Variants in KCTD16 observed in about 807,000 individuals in gnomAD.
The protein encoded by KCTD16 is BTB/POZ domain-containing protein KCTD16.
A neutral mutation model predicts 33.2 loss-of-function variants in KCTD16; 13 were observed. The observed-to-expected ratio is 0.39, with a 90% CI of 0.25 to 0.62. KCTD16 has a LOEUF of 0.62. Among genes scored for constraint, KCTD16 ranks in the 20% least tolerant of loss-of-function variants. KCTD16 has a pLI of 0.50. For missense variants in KCTD16, 441 were observed against 525.1 expected (o/e 0.84, Z 1.57); for synonymous variants, 197 against 195.3 (o/e 1.01, Z -0.07).
At chr5:144,187,441 CACACAT>C (rs1202244704) in intron 2 of KCTD16, among the ~76,000 whole-genome samples, 3 of 152,060 alleles carry the variant, frequency 2.0e-5, no homozygotes, top group Admixed American at 1.3e-4. Flanking sequence ...CACACACACA[CACACAT>C]ATACACACAC....
chr5:144,356,870 C>T (rs1171624346), intron 3 of KCTD16, among the ~76,000 whole-genome samples: 1 of 151,936 alleles, frequency 6.6e-6, no homozygotes, highest in East Asian at 1.9e-4. Context: ...TTTCCCCTCT[C>T]TTGTCTTCAT....
rs549051765 is a variant in KCTD16, at chr5:144,181,179, C to T, written c.-327+6707C>T. Among the ~76,000 whole-genome samples the T allele has an allele frequency of 3.2e-4, 48 of 152,226 alleles. 1 individual carries two copies. The highest frequency in any genetic ancestry group is 2.7e-3 in the Admixed American group (42 of 15,288). ...CGATCTCCTGACCTCATGATCCGCC[C>T]GCCTCTGCCTCCCAAAGTGCTGGGA... is the stretch of plus-strand genomic sequence containing the variant. On this transcript the variant is annotated intron_variant, in intron 2 of 3. Transcript: ENST00000512467.
rs1752587702 is a variant in KCTD16 at position 144,397,144 on chromosome 5, A to G, written c.833-76516A>G. Among the ~76,000 whole-genome samples, 3 of 138,026 alleles carry G rather than the reference A, an allele frequency of 2.2e-5. No individual in the cohort carries two copies. In the South Asian group the frequency reaches 6.8e-4, roughly 31 times the overall value. The allele number at this position is 138,026 out of a possible 152,430, so 90.6% of individuals were successfully genotyped here. A position where few individuals can be genotyped will look rare whatever the true frequency, so the allele number is the denominator to read the frequency against. ...TGTGTCCAAGTGTTCTCATTGTTCA[A>G]TTCCCACCTATGAGTGAGAAAATGC... On this transcript the variant is annotated intron_variant, in intron 3 of 3. Transcript: ENST00000512467.
chr5:144,274,127 CCTT>C (rs1262310034), intron 3 of KCTD16, among the ~76,000 whole-genome samples: 3 of 151,056 alleles, frequency 2.0e-5, no homozygotes, highest in Non-Finnish European at 4.4e-5. Flanking sequence ...AATTTTTCTT[CCTT>C]CTTCTCTTTT....
intron 3 of KCTD16, among the ~76,000 whole-genome samples, chr5:144,274,553 G>C (rs988259330): frequency 1.3e-5 from 2 of 152,038 alleles, no homozygotes; most frequent in Non-Finnish European, 2.9e-5. Context: ...GTTTATTCAG[G>C]GTCATGACTA....
chr5:144,400,529 T>C (rs1461674170), intron 3 of KCTD16, among the ~76,000 whole-genome samples: 1 of 152,128 alleles, frequency 6.6e-6, no homozygotes, highest in Non-Finnish European at 1.5e-5. Flanking sequence ...GTGTGGAATA[T>C]GAGTAGCAGT....
intron 3 of KCTD16, among the ~76,000 whole-genome samples, chr5:144,245,692 C>T (rs1027360946): frequency 2.0e-5 from 3 of 152,054 alleles, no homozygotes; most frequent in African/African-American, 7.2e-5. Flanking sequence ...CCCCTTGGAG[C>T]GGTTGTTGCA....
At chr5:144,436,776 C>T (rs1436071771) in intron 3 of KCTD16, among the ~76,000 whole-genome samples, 4 of 151,654 alleles carry the variant, frequency 2.6e-5, no homozygotes, top group South Asian at 2.1e-4. Context: ...TTAGTAGAGA[C>T]GGCGTTTCAC....
In KCTD16 at chr5:144,474,401, G is replaced by A. The variant is rs1478612142; in HGVS notation, c.*287G>A. The A allele has an allele frequency of 1.1e-5, 3 of 265,954 alleles. No individual in the cohort carries two copies. Among genetic ancestry groups the A allele is most frequent in the Admixed American group, 1.0e-4 (2 of 19,984 alleles). The allele number at this position is 265,954 out of a possible 1,614,324, so 16.5% of individuals were successfully genotyped here. A position where few individuals can be genotyped will look rare whatever the true frequency, so the allele number is the denominator to read the frequency against. ...CTTATATATAATGAGAGCCAGCTAC[G>A]TAAAAGTAGCTGAGAGGCCTTGGGA... On this transcript the variant is annotated 3_prime_UTR_variant, in exon 4 of 4. Coordinates refer to ENST00000512467, the MANE Select transcript of KCTD16 (RefSeq NM_020768.4).
chr5:144,282,768 C>T (rs928757357), intron 3 of KCTD16, among the ~76,000 whole-genome samples: 2 of 152,094 alleles, frequency 1.3e-5, no homozygotes, highest in African/African-American at 4.8e-5. Context: ...ATGACTGGGT[C>T]TGACTTTATG....
At chr5:144,225,510 ATT>A (rs1753902723) in intron 3 of KCTD16, among the ~76,000 whole-genome samples, 1 of 147,654 alleles carries the variant, frequency 6.8e-6, no homozygotes, top group East Asian at 2.0e-4. Flanking sequence ...AGAATTTATC[ATT>A]TTCTTCCTCT....
At position 144,192,164 on chromosome 5, in the gene KCTD16, AGT is replaced by A. The variant is rs147129866; in HGVS notation, c.-326-14222_-326-14221del. ...AGTTGAGGATGCTGGGTAAGTGAACAGTGTTACTCAGGGTGACTTTCAGTTTC... is the reference window on the plus strand; with the variant it reads ...AGTTGAGGATGCTGGGTAAGTGAACAGTTACTCAGGGTGACTTTCAGTTTC... On this transcript the variant is annotated intron_variant, in intron 2 of 3. Transcript: ENST00000512467. Among the ~76,000 whole-genome samples the A allele has an allele frequency of 4.9e-3, 742 of 152,284 alleles. 7 individuals are homozygous for A. The highest frequency in any genetic ancestry group is 0.017 in the African/African-American group (690 of 41,566).
At chr5:144,457,090 CTA>C (rs1754082973) in intron 3 of KCTD16, among the ~76,000 whole-genome samples, 5 of 152,190 alleles carry the variant, frequency 3.3e-5, no homozygotes, top group Admixed American at 2.0e-4. Flanking sequence ...AATCCCTTAA[CTA>C]TATGTATTTA....
rs929655705 is a variant in KCTD16 at position 144,484,398 on chromosome 5, C to T, written c.*10284C>T. 16 of 152,026 alleles carry T rather than the reference C, an allele frequency of 1.1e-4. No homozygotes were observed. The highest frequency in any genetic ancestry group is 3.6e-4 in the African/African-American group (15 of 41,524). The allele number at this position is 152,026 out of a possible 1,614,324, so 9.4% of individuals were successfully genotyped here. On this transcript the variant is annotated 3_prime_UTR_variant, in exon 4 of 4. Coordinates refer to ENST00000512467, the MANE Select transcript of KCTD16 (RefSeq NM_020768.4). ...GTAAAATCAGGAATCTTTGTGTTGG[C>T]TGAAGGAACTTAGTAATCTTAGTTG...
intron 3 of KCTD16, among the ~76,000 whole-genome samples, chr5:144,255,379 T>A: frequency 6.6e-6 from 1 of 152,124 alleles, no homozygotes; most frequent in Non-Finnish European, 1.5e-5. Context: ...CATATGGTGG[T>A]TCTTTATTTA....
At chr5:144,421,820 G>T (rs1391605039) in intron 3 of KCTD16, among the ~76,000 whole-genome samples, 2 of 152,082 alleles carry the variant, frequency 1.3e-5, no homozygotes, top group Non-Finnish European at 2.9e-5. Context: ...AGAATCCAGG[G>T]AGAAAGTAAA....
At chr5:144,209,014 G>A (rs994364485) in intron 3 of KCTD16, among the ~76,000 whole-genome samples, 2 of 152,110 alleles carry the variant, frequency 1.3e-5, no homozygotes, top group Non-Finnish European at 2.9e-5. Context: ...TTTCTATAAA[G>A]GAATATGACA....
At chr5:144,342,000 C>T (rs538999451) in intron 3 of KCTD16, among the ~76,000 whole-genome samples, 25 of 152,214 alleles carry the variant, frequency 1.6e-4, no homozygotes, top group African/African-American at 5.8e-4. Context: ...AGATCTCCTG[C>T]GAATATCTGA....
chr5:144,278,373 C>T (rs951544503), intron 3 of KCTD16, among the ~76,000 whole-genome samples: 5 of 151,676 alleles, frequency 3.3e-5, no homozygotes, highest in Non-Finnish European at 7.4e-5. Context: ...TTCCTTTTAT[C>T]AATACCACCT....
Sources: gnomAD v4.1 joint callset for allele counts (sites outside exome capture counted in the v4.1 genomes callset) on GRCh38, gnomAD v4.1.1 for gene constraint, MANE v1.5 for transcripts, NCBI Gene and HGNC (gene_info 2026-07-23, HGNC 2026-07-21) for gene names.